The following NELL2 variants were observed in gnomAD, a reference collection of about 807,000 sequenced individuals.
The protein encoded by NELL2 is neural EGFL like 2.
A neutral mutation model predicts 109.6 loss-of-function variants in NELL2; 41 were observed. The observed-to-expected ratio is 0.37, with a 90% CI of 0.29 to 0.49. NELL2 has a LOEUF of 0.49. Ranked by LOEUF, NELL2 falls within the 20% of genes least tolerant of loss-of-function variation. The pLI is 0.98. For missense variants in NELL2, 900 were observed against 1,008.3 expected, an observed-to-expected ratio of 0.89 and a Z score of 1.45; for synonymous variants, 355 against 344.7, an observed-to-expected ratio of 1.03 and a Z score of -0.33.
chr12:44,622,353 A>C (rs1445926677), intron 13 of NELL2, among the ~76,000 whole-genome samples: 3 of 152,106 alleles, frequency 2.0e-5, no homozygotes, highest in Non-Finnish European at 4.4e-5. Context: ...ATGATTTTCC[A>C]TCCATTGACA....
intron 1 of NELL2, among the ~76,000 whole-genome samples, chr12:44,898,000 G>T (rs1224507316): frequency 2.0e-5 from 3 of 152,160 alleles, no homozygotes; most frequent in Non-Finnish European, 4.4e-5. Context: ...AAGCTGTTGG[G>T]AACTTCAGAC....
intron 13 of NELL2, among the ~76,000 whole-genome samples, chr12:44,625,102 A>G (rs1475667657): frequency 6.7e-6 from 1 of 149,574 alleles, no homozygotes; most frequent in Non-Finnish European, 1.5e-5. Flanking sequence ...TGGGGATAGG[A>G]AAGTCCTCTT....
chr12:44,605,119 T>A lies in NELL2; in HGVS notation c.1663+2050A>T, dbSNP rs144235069. 1.5e-3 allele frequency among the ~76,000 whole-genome samples: 226 copies of A among 152,166 alleles called. 1 individual carries two copies. Among genetic ancestry groups the A allele is most frequent in the African/African-American group, 5.0e-3 (209 of 41,524 alleles). ...CATGGAGGAGATAATGAATTCAGAT[T>A]GAGGTCTTTGGATTTAAGGCCCCCC... On this transcript the variant is annotated intron_variant, in intron 15 of 19. Coordinates refer to ENST00000429094, the MANE Select transcript of NELL2 (RefSeq NM_001145108.2).
intron 15 of NELL2, among the ~76,000 whole-genome samples, chr12:44,538,581 C>T (rs1016095709): frequency 2.0e-5 from 3 of 152,144 alleles, no homozygotes; most frequent in Admixed American, 6.6e-5. Flanking sequence ...GGAAGCTGCA[C>T]TTTGGGAAGA....
Position 44,851,395 on chromosome 12 carries a change from T to C in NELL2, c.184+23830A>G, listed in dbSNP as rs188555772. Reference sequence around the variant, plus strand: ...TGCATTTCCTTTCAGAATAATGAAATATTAAATGTTCTAAAACCTCAGACA... The same window carrying C: ...TGCATTTCCTTTCAGAATAATGAAACATTAAATGTTCTAAAACCTCAGACA... On this transcript the variant is annotated intron_variant, in intron 2 of 19. Coordinates refer to ENST00000429094, the MANE Select transcript of NELL2 (RefSeq NM_001145108.2). Among the ~76,000 whole-genome samples the C allele has an allele frequency of 1.1e-3, 168 of 152,288 alleles. 1 individual carries two copies. Among genetic ancestry groups the C allele is most frequent in the Middle Eastern group, 6.8e-3 (2 of 294 alleles).
chr12:44,717,088 A>T (rs1280444600), intron 9 of NELL2, among the ~76,000 whole-genome samples: 3 of 152,064 alleles, frequency 2.0e-5, no homozygotes, highest in Non-Finnish European at 4.4e-5. Context: ...AAAGTGAGTG[A>T]TTTTTATCTC....
chr12:44,914,919 G>A (rs184203577), upstream of NELL2, among the ~76,000 whole-genome samples: 2 of 151,588 alleles, frequency 1.3e-5, no homozygotes, highest in East Asian at 3.9e-4. Context: ...GCGTGATCTC[G>A]GCTCACTGTA....
intron 12 of NELL2, among the ~76,000 whole-genome samples, chr12:44,677,692 G>A (rs1029756008): frequency 6.6e-6 from 1 of 152,062 alleles, no homozygotes; most frequent in African/African-American, 2.4e-5. Flanking sequence ...AACATGAAAG[G>A]AGTGAGGCAG....
intron 9 of NELL2, among the ~76,000 whole-genome samples, chr12:44,736,502 A>G (rs935259687): frequency 2.0e-5 from 3 of 151,922 alleles, no homozygotes; most frequent in African/African-American, 7.3e-5. Context: ...TGTATAATTG[A>G]CCTTGCTTAA....
intron 9 of NELL2, among the ~76,000 whole-genome samples, chr12:44,757,931 CT>C (rs1234147190): frequency 6.6e-6 from 1 of 151,986 alleles, no homozygotes; most frequent in Non-Finnish European, 1.5e-5. Flanking sequence ...ACTGTGGGAA[CT>C]GGGTTGAAAA....
chr12:44,855,448 A>G (rs1282506127), intron 2 of NELL2, among the ~76,000 whole-genome samples: 2 of 152,186 alleles, frequency 1.3e-5, no homozygotes, highest in Non-Finnish European at 2.9e-5. Flanking sequence ...TGTCCTTCCA[A>G]AATCTTAGAG....
chr12:44,711,511 C>T, intron 10 of NELL2, 117 bp from the exon 11 acceptor site: 1 of 732,994 alleles, frequency 1.4e-6, no homozygotes, highest in Non-Finnish European at 2.3e-6. Flanking sequence ...GTCCTGAGGA[C>T]CTCTGCACAG....
intron 2 of NELL2, among the ~76,000 whole-genome samples, chr12:44,850,753 T>A (rs1163012291): frequency 6.6e-6 from 1 of 152,144 alleles, no homozygotes; most frequent in Admixed American, 6.6e-5. Flanking sequence ...ACAAATAATT[T>A]GAATAAATAG....
chr12:44,898,025 C>T (rs1945614807), intron 1 of NELL2, among the ~76,000 whole-genome samples: 1 of 152,122 alleles, frequency 6.6e-6, no homozygotes. Context: ...TAAAGCCCAC[C>T]AAAGTGCTGC....
intron 15 of NELL2, among the ~76,000 whole-genome samples, chr12:44,559,660 A>G (rs536848537): frequency 1.3e-5 from 2 of 152,326 alleles, no homozygotes; most frequent in Admixed American, 6.5e-5. Context: ...CCAATACAGG[A>G]GCACCCAGAT....
chr12:44,524,550 T>C (rs1209871053), intron 16 of NELL2, among the ~76,000 whole-genome samples: 2 of 152,206 alleles, frequency 1.3e-5, no homozygotes, highest in Non-Finnish European at 1.5e-5. Context: ...GGAAATATCT[T>C]TTTCAAATGG....
At chr12:44,641,559 G>C (rs1946855113) in intron 13 of NELL2, among the ~76,000 whole-genome samples, 1 of 151,186 alleles carries the variant, frequency 6.6e-6, no homozygotes, top group Non-Finnish European at 1.5e-5. Flanking sequence ...AAGAATAAAA[G>C]AAAAAAACCC....
chr12:44,712,469 T>A (rs1182530957), intron 10 of NELL2, among the ~76,000 whole-genome samples: 2 of 152,108 alleles, frequency 1.3e-5, no homozygotes, highest in South Asian at 4.1e-4. Flanking sequence ...TCTGTGTTAC[T>A]ATGAAAGTCA....
chr12:44,665,234 A>G (rs1239822484), intron 13 of NELL2, among the ~76,000 whole-genome samples: 2 of 152,162 alleles, frequency 1.3e-5, no homozygotes, highest in Non-Finnish European at 2.9e-5. Context: ...AATACTAAGT[A>G]TAAATGTAGC....
Sources: allele counts gnomAD v4.1 joint callset (sites outside exome capture counted in the v4.1 genomes callset), GRCh38; gene constraint gnomAD v4.1.1; transcripts MANE v1.5; gene names NCBI Gene and HGNC (gene_info 2026-07-23, HGNC 2026-07-21).